Variants in ZFAND3 observed in about 807,000 individuals in gnomAD.
ZFAND3 encodes AN1-type zinc finger protein 3.
ZFAND3 carries 10 observed loss-of-function variants against 29.6 expected under a neutral mutation model. That is an observed-to-expected ratio of 0.34 (90% CI 0.21 to 0.57). The LOEUF (loss-of-function observed/expected upper bound fraction) is 0.57. Ranked by LOEUF, ZFAND3 falls within the 20% of genes least tolerant of loss-of-function variation. ZFAND3 has a pLI of 0.86. For missense variants in ZFAND3, 230 were observed against 304.5 expected, an observed-to-expected ratio of 0.76 and a Z score of 1.82; for synonymous variants, 128 against 112.6, an observed-to-expected ratio of 1.14 and a Z score of -0.87.
intron 2 of ZFAND3, among the ~76,000 whole-genome samples, chr6:38,003,495 C>T (rs1338492230): frequency 1.4e-5 from 2 of 140,918 alleles, no homozygotes; most frequent in Middle Eastern, 3.4e-3. Context: ...TAAAAACCAT[C>T]CATAATCTTT....
At chr6:37,949,961 G>A (rs1294036417) in intron 2 of ZFAND3, among the ~76,000 whole-genome samples, 1 of 152,198 alleles carries the variant, frequency 6.6e-6, no homozygotes, top group African/African-American at 2.4e-5. Flanking sequence ...TCTCATGGGA[G>A]GGTATTAAGA....
At chr6:38,039,072 A>G (rs956586222) in intron 2 of ZFAND3, among the ~76,000 whole-genome samples, 2 of 152,214 alleles carry the variant, frequency 1.3e-5, no homozygotes, top group Non-Finnish European at 2.9e-5. Context: ...GTGTTCCAGA[A>G]TTTCTCAAGT....
chr6:37,836,273 CT>C (rs1763966476), intron 1 of ZFAND3, among the ~76,000 whole-genome samples: 1 of 147,068 alleles, frequency 6.8e-6, no homozygotes. Context: ...CATCCTTGAC[CT>C]TTTTTCTTTC....
At chr6:37,909,164 G>A (rs567013084) in intron 1 of ZFAND3, among the ~76,000 whole-genome samples, 33 of 152,122 alleles carry the variant, frequency 2.2e-4, no homozygotes, top group African/African-American at 7.7e-4. Context: ...TTGATAACTC[G>A]ATTGCACTTT....
rs1253469831 is a variant in ZFAND3, at chr6:38,018,545, G to T, written c.113-43048G>T. On this transcript the variant is annotated intron_variant, in intron 2 of 5. Coordinates refer to ENST00000287218, the MANE Select transcript of ZFAND3 (RefSeq NM_021943.3). The stretch of plus-strand genomic sequence containing the variant: ...CCATCCACACATTTATACTCATTTT[G>T]TTTTTCATATTTACACCTCTGCTGT... Among the ~76,000 whole-genome samples the T allele has an allele frequency of 1.3e-5, 2 of 152,092 alleles. 1 individual carries two copies.
At chr6:37,836,801 C>G (rs1292167111) in intron 1 of ZFAND3, among the ~76,000 whole-genome samples, 1 of 152,052 alleles carries the variant, frequency 6.6e-6, no homozygotes. Context: ...TTTTAAAAAA[C>G]TCTTGAACTT....
chr6:37,908,351 G>T (rs1394341728), intron 1 of ZFAND3, among the ~76,000 whole-genome samples: 1 of 152,052 alleles, frequency 6.6e-6, no homozygotes, highest in Non-Finnish European at 1.5e-5. Context: ...TTATTTTAAT[G>T]TAAAACGTAA....
chr6:38,068,440 T>C (rs1438192951), intron 3 of ZFAND3, among the ~76,000 whole-genome samples: 1 of 152,186 alleles, frequency 6.6e-6, no homozygotes, highest in Non-Finnish European at 1.5e-5. Context: ...GGAGACCCAA[T>C]GGCCTATTAC....
chr6:38,144,200 TATATATATATAATATATA>T (rs1766037573), intron 5 of ZFAND3, among the ~76,000 whole-genome samples: 1 of 41,230 alleles, frequency 2.4e-5, no homozygotes. Flanking sequence ...TATATATATA[TATATATATATAATATATA>T]ATATATATAT....
At chr6:38,035,143 T>A (rs1349772553) in intron 2 of ZFAND3, among the ~76,000 whole-genome samples, 3 of 152,302 alleles carry the variant, frequency 2.0e-5, no homozygotes, top group Non-Finnish European at 4.4e-5. Context: ...GTTTTATACA[T>A]GCATTAAAGT....
intron 2 of ZFAND3, among the ~76,000 whole-genome samples, chr6:38,006,652 AGG>A (rs1581833388): frequency 1.0e-5 from 1 of 96,010 alleles, no homozygotes; most frequent in Non-Finnish European, 2.1e-5. Flanking sequence ...GGTGAGGAAG[AGG>A]GTTTTTTTTT....
intron 2 of ZFAND3, among the ~76,000 whole-genome samples, chr6:37,956,056 G>A (rs1035271027): frequency 3.3e-5 from 5 of 152,156 alleles, no homozygotes; most frequent in African/African-American, 1.2e-4. Flanking sequence ...TGCATATGCT[G>A]TGTAGGGTAC....
chr6:37,941,279 A>G (rs1259912499), intron 2 of ZFAND3, among the ~76,000 whole-genome samples: 3 of 152,238 alleles, frequency 2.0e-5, no homozygotes, highest in Admixed American at 6.5e-5. Flanking sequence ...AACCAAAGCT[A>G]AATAGATTAG....
At chr6:38,101,041 A>ATAGT (rs1018863566) in intron 4 of ZFAND3, among the ~76,000 whole-genome samples, 1 of 152,224 alleles carries the variant, frequency 6.6e-6, no homozygotes, top group Non-Finnish European at 1.5e-5. Context: ...GATATAACAT[A>ATAGT]TAGTTGAGTT....
chr6:37,921,694 A>G (rs1700500605), intron 1 of ZFAND3, among the ~76,000 whole-genome samples: 1 of 152,100 alleles, frequency 6.6e-6, no homozygotes, highest in African/African-American at 2.4e-5. Flanking sequence ...TGAAAAAAAA[A>G]TTTAGAAGAA....
chr6:38,118,671 A>C (rs895663014), intron 5 of ZFAND3, among the ~76,000 whole-genome samples: 1 of 150,272 alleles, frequency 6.7e-6, no homozygotes, highest in Non-Finnish European at 1.5e-5. Flanking sequence ...TAGCACTGAG[A>C]TCTAAAGATG....
At chr6:37,899,336 A>G (rs1765276934) in intron 1 of ZFAND3, among the ~76,000 whole-genome samples, 1 of 152,162 alleles carries the variant, frequency 6.6e-6, no homozygotes, top group Non-Finnish European at 1.5e-5. Flanking sequence ...TTGTGGTGAT[A>G]GTGTACCTTC....
chr6:37,906,269 T>G (rs1395486434), intron 1 of ZFAND3, among the ~76,000 whole-genome samples: 2 of 152,186 alleles, frequency 1.3e-5, no homozygotes, highest in East Asian at 3.8e-4. Flanking sequence ...GTTTATTCAG[T>G]CTCTTTCATA....
chr6:38,152,860 TGATGG>T lies in ZFAND3; in HGVS notation c.*472_*476del. ...CCTTAGTCCCAGTAGCCAGGATACC[TGATGG>T]CCACGTGTGCCTTGGCCACGGGAGG... On this transcript the variant is annotated 3_prime_UTR_variant, in exon 6 of 6. Transcript: ENST00000287218. The T allele has an allele frequency of 1.0e-6, 1 of 986,072 alleles. No homozygotes were observed. Among genetic ancestry groups the T allele is most frequent in the African/African-American group, 1.7e-5 (1 of 57,358 alleles). The allele number at this position is 986,072 out of a possible 1,614,324, so 61.1% of individuals were successfully genotyped here.
Sources: gnomAD v4.1 joint callset for allele counts (sites outside exome capture counted in the v4.1 genomes callset) on GRCh38, gnomAD v4.1.1 for gene constraint, MANE v1.5 for transcripts, NCBI Gene and HGNC (gene_info 2026-07-23, HGNC 2026-07-21) for gene names.